PHKB: variants seen among roughly 807,000 people sequenced by gnomAD.
PHKB encodes phosphorylase b kinase regulatory subunit beta.
A neutral mutation model predicts 152.1 loss-of-function variants in PHKB; 122 were observed. The ratio of observed to expected loss-of-function variants is 0.80; its 90% CI spans 0.69 to 0.93. The LOEUF (loss-of-function observed/expected upper bound fraction) is 0.93, where lower values mean the gene tolerates loss of function less well. PHKB is among the 40% of genes least tolerant of loss of function. PHKB has a pLI of 0.00. For synonymous variants in PHKB, 436 were observed against 464.9 expected (o/e 0.94, Z 0.80); for missense variants, 1,304 against 1,328.4 (o/e 0.98, Z 0.29).
At chr16:47,516,019 C>G (rs1411627721) in intron 6 of PHKB, among the ~76,000 whole-genome samples, 1 of 151,766 alleles carries the variant, frequency 6.6e-6, no homozygotes, top group Admixed American at 6.6e-5. Flanking sequence ...CCTCTGCCTC[C>G]CAGGTTCAAG....
At chr16:47,464,510 G>T (rs914896814) in intron 1 of PHKB, among the ~76,000 whole-genome samples, 2 of 152,210 alleles carry the variant, frequency 1.3e-5, no homozygotes, top group Admixed American at 6.5e-5. Context: ...GGCTGGAACA[G>T]ATGTTGGCAC....
At chr16:47,503,426 T>G (rs1970357435) in intron 4 of PHKB, among the ~76,000 whole-genome samples, 1 of 152,256 alleles carries the variant, frequency 6.6e-6, no homozygotes, top group Non-Finnish European at 1.5e-5. Context: ...AATATCCTTG[T>G]CAGAATTACT....
intron 8 of PHKB, among the ~76,000 whole-genome samples, chr16:47,580,932 T>G (rs1164619242): frequency 1.3e-5 from 2 of 152,154 alleles, no homozygotes; most frequent in Non-Finnish European, 2.9e-5. Flanking sequence ...ACTGAAAGAA[T>G]CTAATCAAGT....
At chr16:47,521,667 AG>A (rs1970687719) in intron 6 of PHKB, among the ~76,000 whole-genome samples, 2 of 151,746 alleles carry the variant, frequency 1.3e-5, no homozygotes, top group Non-Finnish European at 2.9e-5. Flanking sequence ...AAAAAAAAAA[AG>A]GAAAGAAAAG....
intron 14 of PHKB, among the ~76,000 whole-genome samples, chr16:47,630,971 G>C (rs893071866): frequency 1.3e-5 from 2 of 152,064 alleles, no homozygotes; most frequent in Non-Finnish European, 2.9e-5. Context: ...CTTCAGACTG[G>C]AATGACACTG....
At chr16:47,692,448 T>G (rs1247186634) in intron 27 of PHKB, among the ~76,000 whole-genome samples, 2 of 152,012 alleles carry the variant, frequency 1.3e-5, no homozygotes, top group African/African-American at 4.8e-5. Context: ...AGACCCCATC[T>G]CAACAAAAAA....
chr16:47,592,428 G>A (rs145393475), intron 10 of PHKB, among the ~76,000 whole-genome samples: 52 of 152,326 alleles, frequency 3.4e-4, no homozygotes, highest in African/African-American at 1.2e-3. Context: ...CAGAAATACT[G>A]AATTGCTGGT....
chr16:47,682,830 A>G (rs1973887806), intron 26 of PHKB, among the ~76,000 whole-genome samples: 1 of 152,090 alleles, frequency 6.6e-6, no homozygotes, highest in African/African-American at 2.4e-5. Flanking sequence ...TTGGAGGAGG[A>G]GAGGTGCTCT....
At chr16:47,489,128 A>G (rs558289675) in intron 1 of PHKB, among the ~76,000 whole-genome samples, 2 of 152,146 alleles carry the variant, frequency 1.3e-5, no homozygotes, top group South Asian at 2.1e-4. Flanking sequence ...ATCTTCACTC[A>G]CTGTGACCAC....
intron 8 of PHKB, among the ~76,000 whole-genome samples, chr16:47,586,010 A>G (rs1420955758): frequency 6.6e-6 from 1 of 152,156 alleles, no homozygotes; most frequent in Non-Finnish European, 1.5e-5. Context: ...AACATATTAT[A>G]TCCATTTATT....
At chr16:47,473,475 A>G (rs1969815909) in intron 1 of PHKB, among the ~76,000 whole-genome samples, 1 of 151,878 alleles carries the variant, frequency 6.6e-6, no homozygotes, top group Admixed American at 6.6e-5. Flanking sequence ...AGATGAAACA[A>G]TTGTTGCTGT....
intron 7 of PHKB, among the ~76,000 whole-genome samples, chr16:47,549,232 T>C (rs1160718551): frequency 6.6e-6 from 1 of 152,256 alleles, no homozygotes; most frequent in South Asian, 2.1e-4. Context: ...ACTCAAATTA[T>C]AAGAAATTTG....
At chr16:47,671,601 T>C (rs1382073986) in intron 26 of PHKB, among the ~76,000 whole-genome samples, 1 of 152,212 alleles carries the variant, frequency 6.6e-6, no homozygotes, top group Non-Finnish European at 1.5e-5. Flanking sequence ...TTAAACATTA[T>C]TACCCATTTT....
intron 1 of PHKB, among the ~76,000 whole-genome samples, chr16:47,486,698 T>C (rs1970055415): frequency 6.6e-6 from 1 of 152,172 alleles, no homozygotes. Context: ...TATACAAACC[T>C]CATGGAACTA....
Position 47,589,072 on chromosome 16 carries a change from C to G in PHKB, c.1038C>G (p.Asn346Lys), listed in dbSNP as rs779250480. 2 of 1,612,876 alleles carry G rather than the reference C, an allele frequency of 1.2e-6. No homozygotes were observed. The highest frequency in any genetic ancestry group is 1.7e-4 in the Middle Eastern group (1 of 6,052). The change falls in exon 10 of 31, where the codon AAC becomes AAG. Residue 346 changes from asparagine to lysine, a missense_variant. Asn to Lys is a moderately conservative substitution (Grantham distance 94). Coordinates refer to ENST00000323584, the MANE Select transcript of PHKB (RefSeq NM_000293.3). ...ATAGAACATCATTGGAAGATCCCAA[C>G]AGATGCTACTACAAGCCAGCTGAAA... is the stretch of plus-strand genomic sequence containing the variant. The part of the protein sequence containing the change: ...DGYRTSLEDP[N>K]RCYYKPAEIK...
At chr16:47,670,848 T>C (rs1041585879) in intron 26 of PHKB, among the ~76,000 whole-genome samples, 1 of 152,194 alleles carries the variant, frequency 6.6e-6, no homozygotes, top group Non-Finnish European at 1.5e-5. Context: ...TTTACCAATA[T>C]ATCTTCATGT....
Position 47,649,140 on chromosome 16 carries a change from T to C in PHKB, c.1733T>C (p.Ile578Thr), listed in dbSNP as rs1224596525. ...GGAAAGACTGTGGTTTGTTACCCGA[T>C]TATTTTCGACCTAAGTGATTTCTAC... ...ILGKTVVCYP[I>T]IFDLSDFYMS... The change falls in exon 18 of 31, where the codon ATT becomes ACT. Residue 578 changes from isoleucine (I) to threonine (T), a missense_variant. Transcript: ENST00000323584. 6.2e-7 allele frequency: 1 copy of C among 1,611,038 alleles called. No individual in the cohort carries two copies. The highest frequency in any genetic ancestry group is 8.5e-7 in the Non-Finnish European group (1 of 1,177,204).
At chr16:47,636,958 G>T (rs189715829) in intron 14 of PHKB, among the ~76,000 whole-genome samples, 1 of 152,132 alleles carries the variant, frequency 6.6e-6, no homozygotes, top group African/African-American at 2.4e-5. Context: ...CCCATGGACC[G>T]ATCAGCATGC....
At chr16:47,620,636 G>A (rs1399276446) in intron 14 of PHKB, among the ~76,000 whole-genome samples, 1 of 152,184 alleles carries the variant, frequency 6.6e-6, no homozygotes, top group Non-Finnish European at 1.5e-5. Context: ...AGCACTTGGG[G>A]AGGCCGAGGC....
Sources: allele counts gnomAD v4.1 joint callset (sites outside exome capture counted in the v4.1 genomes callset), GRCh38; gene constraint gnomAD v4.1.1; transcripts MANE v1.5; gene names NCBI Gene and HGNC (gene_info 2026-07-23, HGNC 2026-07-21).